Variants in APIP observed in about 807,000 individuals in gnomAD.
APIP encodes the protein APAF1 interacting protein.
APIP carries 32 observed loss-of-function variants against 32.0 expected under a neutral mutation model. The ratio of observed to expected loss-of-function variants is 1.00; its 90% CI spans 0.76 to 1.34. APIP has a LOEUF of 1.34. APIP is among the 40% of genes most tolerant of loss of function. APIP has a pLI of 0.00. For missense variants in APIP, 247 were observed against 298.6 expected, an observed-to-expected ratio of 0.83 and a Z score of 1.27; for synonymous variants, 92 against 94.8, an observed-to-expected ratio of 0.97 and a Z score of 0.17.
At chr11:34,890,737 G>A in intron 2 of APIP, 185 bp from the exon 3 acceptor site, 1 of 496,148 alleles carries the variant, frequency 2.0e-6, no homozygotes. Flanking sequence ...TAGTGCTGGT[G>A]GCATTGTAGA....
At chr11:34,890,599 T>C (rs190666642) in intron 2 of APIP, 47 bp from the exon 3 acceptor site, 1 of 1,599,302 alleles carries the variant, frequency 6.3e-7, no homozygotes, top group Non-Finnish European at 8.5e-7. Flanking sequence ...TTTCCTGCTT[T>C]TGCACAAAGA....
chr11:34,900,787 G>T (rs1015561542), intron 1 of APIP, among the ~76,000 whole-genome samples: 4 of 152,074 alleles, frequency 2.6e-5, no homozygotes, highest in African/African-American at 9.7e-5. Flanking sequence ...CTCAGGAAAT[G>T]AATGGAAAAG....
At chr11:34,888,654 G>T in intron 4 of APIP, 98 bp downstream of exon 4, 1 of 1,155,554 alleles carries the variant, frequency 8.7e-7, no homozygotes, top group African/African-American at 1.6e-5. Flanking sequence ...CTTGCACATG[G>T]TGGGTATCCA....
intron 2 of APIP, among the ~76,000 whole-genome samples, chr11:34,893,765 A>G (rs528818294): frequency 6.6e-6 from 1 of 152,244 alleles, no homozygotes. Flanking sequence ...AGTAATTTAA[A>G]GCAGATAAAA....
chr11:34,896,656 G>T, intron 1 of APIP: 1 of 601,202 alleles, frequency 1.7e-6, no homozygotes, highest in Non-Finnish European at 2.6e-6. Flanking sequence ...AACCACCATG[G>T]CACGTGTATA....
chr11:34,900,264 T>C (rs1853353148), intron 1 of APIP, among the ~76,000 whole-genome samples: 1 of 152,158 alleles, frequency 6.6e-6, no homozygotes, highest in African/African-American at 2.4e-5. Flanking sequence ...TTCCCAGAGC[T>C]AAAGTAGGTT....
At chr11:34,912,550 A>AT (rs1332811849) in intron 1 of APIP, among the ~76,000 whole-genome samples, 1 of 152,224 alleles carries the variant, frequency 6.6e-6, no homozygotes, top group African/African-American at 2.4e-5. Flanking sequence ...GAGGATTAAC[A>AT]TTTTGAGTCA....
chr11:34,882,711 T>C lies in APIP; in HGVS notation c.*6A>G, dbSNP rs1481781261. 6.5e-7 allele frequency: 1 copy of C among 1,539,488 alleles called. No individual in the cohort carries two copies. Among genetic ancestry groups the C allele is most frequent in the African/African-American group, 1.4e-5 (1 of 72,444 alleles). ...ATCTCTGTATATAATTAGACTTTCT[T>C]TTGGCTTAGACAATTCCATTTTCTC... On this transcript the variant is annotated 3_prime_UTR_variant, in exon 7 of 7. Coordinates refer to ENST00000395787, the MANE Select transcript of APIP (RefSeq NM_015957.4).
rs1853241967 is a variant in APIP at position 34,894,920 on chromosome 11, C to G, written c.158+90G>C. ...ACCTTCAGTATCACATAAAACTGAT[C>G]ATCAGTTGTTCTTTGGATATAACAC... On this transcript the variant is annotated intron_variant, in intron 2 of 6. Coordinates refer to ENST00000395787, the MANE Select transcript of APIP (RefSeq NM_015957.4). 12 of 1,134,494 alleles carry G rather than the reference C, an allele frequency of 1.1e-5. No homozygotes were observed. The South Asian group carries it at 1.5e-4, about 15-fold the overall frequency. The allele number at this position is 1,134,494 out of a possible 1,614,324, so 70.3% of individuals were successfully genotyped here.
At chr11:34,900,444 T>C (rs1001221624) in intron 1 of APIP, among the ~76,000 whole-genome samples, 3 of 152,120 alleles carry the variant, frequency 2.0e-5, no homozygotes, top group South Asian at 2.1e-4. Flanking sequence ...AGGGTTCAAG[T>C]TCCCTTTCAT....
chr11:34,904,453 A>G (rs1325963188), intron 1 of APIP, among the ~76,000 whole-genome samples: 1 of 152,190 alleles, frequency 6.6e-6, no homozygotes, highest in African/African-American at 2.4e-5. Context: ...TCTTATTCCC[A>G]TGGCCTTAAC....
chr11:34,916,340 G>C lies in APIP; in HGVS notation c.-56C>G, dbSNP rs1228288292. 1 of 1,597,594 alleles carries C rather than the reference G, an allele frequency of 6.3e-7. No individual in the cohort carries two copies. The highest frequency in any genetic ancestry group is 2.3e-5 in the East Asian group (1 of 43,954). Reference sequence around the variant, plus strand: ...ATCTCCGCACGGCTTTGCGCGCGGCGCTTAGCCTGGGATACGGCAGCGAGG... The same window carrying C: ...ATCTCCGCACGGCTTTGCGCGCGGCCCTTAGCCTGGGATACGGCAGCGAGG... On this transcript the variant is annotated 5_prime_UTR_variant, in exon 1 of 7. Coordinates refer to ENST00000395787, the MANE Select transcript of APIP (RefSeq NM_015957.4).
intron 6 of APIP, 27 bp from the exon 7 acceptor site, chr11:34,882,843 A>C (rs752038703): frequency 6.7e-7 from 1 of 1,492,596 alleles, no homozygotes; most frequent in East Asian, 2.3e-5. Context: ...AAAAAGAACC[A>C]GTGTTTATCG....
At chr11:34,916,011 T>C (rs553562791) in intron 1 of APIP, 2 of 619,546 alleles carry the variant, frequency 3.2e-6, no homozygotes, top group African/African-American at 1.9e-5. Flanking sequence ...GCTCCCGCCA[T>C]CGGAGCGCCC....
chr11:34,894,626 G>A (rs145620174), intron 2 of APIP, among the ~76,000 whole-genome samples: 1,852 of 152,230 alleles, frequency 0.012, 32 homozygotes, highest in African/African-American at 0.043. Context: ...TCCAGCCTGG[G>A]TGACAGAGCA....
intron 1 of APIP, among the ~76,000 whole-genome samples, chr11:34,910,595 G>C (rs1853530723): frequency 6.6e-6 from 1 of 151,972 alleles, no homozygotes; most frequent in African/African-American, 2.4e-5. Context: ...TAAAGATGCA[G>C]GTAAGTATGT....
At chr11:34,891,372 G>A (rs1037700297) in intron 2 of APIP, among the ~76,000 whole-genome samples, 8 of 152,070 alleles carry the variant, frequency 5.3e-5, no homozygotes, top group Non-Finnish European at 1.2e-4. Context: ...TTCTCTTCTC[G>A]CTGGATATCT....
chr11:34,905,099 C>G (rs1419488045), intron 1 of APIP, among the ~76,000 whole-genome samples: 1 of 152,200 alleles, frequency 6.6e-6, no homozygotes. Flanking sequence ...GCTGTAGCAC[C>G]CTCAGGGTGG....
In APIP at chr11:34,905,862, G is replaced by T. The variant is rs117407271; in HGVS notation, c.57+10366C>A. On this transcript the variant is annotated intron_variant, in intron 1 of 6. Coordinates refer to ENST00000395787, the MANE Select transcript of APIP (RefSeq NM_015957.4). ...TTGTATCATGTTTGCTAATAGTAGC[G>T]GCTTACAGATCTGTGGGCAAACTGG... Among the ~76,000 whole-genome samples the T allele has an allele frequency of 1.4e-3, 218 of 152,202 alleles. 5 individuals are homozygous for T. In the East Asian group the frequency reaches 0.036, roughly 25 times the overall value.
Sources: allele counts gnomAD v4.1 joint callset (sites outside exome capture counted in the v4.1 genomes callset), GRCh38; gene constraint gnomAD v4.1.1; transcripts MANE v1.5; gene names NCBI Gene and HGNC (gene_info 2026-07-23, HGNC 2026-07-21).